The following PCDH17 variants were observed in gnomAD, a reference collection of about 807,000 sequenced individuals.
PCDH17 encodes the protein protocadherin-17.
Under a neutral mutation model 67.7 loss-of-function variants are expected in PCDH17, and 21 were observed. The observed-to-expected ratio is 0.31, with a 90% CI of 0.22 to 0.45. The LOEUF is 0.45. Ranked by LOEUF, PCDH17 falls within the 20% of genes least tolerant of loss-of-function variation. PCDH17 has a pLI of 1.00. For missense variants in PCDH17, 1,471 were observed against 1,564.8 expected (o/e 0.94, Z 1.01); for synonymous variants, 701 against 656.7 (o/e 1.07, Z -1.03).
chr13:57,664,312 C>T (rs1454138903), intron 1 of PCDH17, among the ~76,000 whole-genome samples: 1 of 152,074 alleles, frequency 6.6e-6, no homozygotes, highest in African/African-American at 2.4e-5. Context: ...AGTACCGTTG[C>T]CCAGAGTTCA....
intron 1 of PCDH17, among the ~76,000 whole-genome samples, chr13:57,648,937 G>A (rs981385815): frequency 6.6e-6 from 1 of 152,010 alleles, no homozygotes; most frequent in Non-Finnish European, 1.5e-5. Flanking sequence ...GAAGGATGAT[G>A]TATGATAAAA....
intron 1 of PCDH17, among the ~76,000 whole-genome samples, chr13:57,658,011 T>C (rs949579796): frequency 1.7e-4 from 26 of 152,200 alleles, no homozygotes; most frequent in African/African-American, 5.8e-4. Flanking sequence ...AAAAATGTCT[T>C]CGTCTTTATA....
chr13:57,632,471 G>A lies in PCDH17; in HGVS notation c.-76G>A, dbSNP rs1954738372. ...CGCGTCGCGCGCGCACGCTGCGCCA[G>A]GGCCCCAGGCTGGCGCGCACTCCCT... is the stretch of plus-strand genomic sequence containing the variant. On this transcript the variant is annotated 5_prime_UTR_variant, in exon 1 of 4. Transcript: ENST00000377918. The A allele has an allele frequency of 6.2e-6, 9 of 1,460,698 alleles. No homozygotes were observed. In the South Asian group the frequency reaches 1.0e-4, roughly 17 times the overall value. 90.5% of individuals were successfully genotyped at this position (1,460,698 alleles called of 1,614,324 possible).
rs577703534 is a variant in PCDH17 at position 57,652,732 on chromosome 13, T to C, written c.2566-13736T>C. Among the ~76,000 whole-genome samples, 4 of 152,330 alleles carry C rather than the reference T, an allele frequency of 2.6e-5. No individual in the cohort carries two copies. The East Asian group carries it at 7.7e-4, about 29-fold the overall frequency. ...AACTGAAATACAGAGATTTCATTCA[T>C]GTATTTACAGCCAGCTAGGAATACA... On this transcript the variant is annotated intron_variant, in intron 1 of 3. Coordinates refer to ENST00000377918, the MANE Select transcript of PCDH17 (RefSeq NM_001040429.3).
intron 1 of PCDH17, among the ~76,000 whole-genome samples, chr13:57,648,688 G>A (rs1054551217): frequency 6.6e-6 from 1 of 151,830 alleles, no homozygotes; most frequent in African/African-American, 2.4e-5. Context: ...GTTTTTTTAT[G>A]TGCAAATTCC....
intron 1 of PCDH17, among the ~76,000 whole-genome samples, chr13:57,639,461 C>T (rs991936490): frequency 6.6e-6 from 1 of 151,320 alleles, no homozygotes; most frequent in African/African-American, 2.4e-5. Context: ...TCTCTATTTC[C>T]CAATAAATGA....
intron 3 of PCDH17, among the ~76,000 whole-genome samples, chr13:57,687,736 T>A (rs972579090): frequency 6.6e-6 from 1 of 152,144 alleles, no homozygotes; most frequent in Admixed American, 6.6e-5. Flanking sequence ...TGACCATGAA[T>A]ACCTGAAAGG....
intron 3 of PCDH17, among the ~76,000 whole-genome samples, chr13:57,693,342 A>ATATATATATC (rs1413530017): frequency 7.0e-6 from 1 of 142,058 alleles, no homozygotes. Context: ...ATATATATAT[A>ATATATATATC]TATCAAGGAG....
chr13:57,719,410 T>C (rs929598535), intron 3 of PCDH17, among the ~76,000 whole-genome samples: 1 of 152,012 alleles, frequency 6.6e-6, no homozygotes, highest in Admixed American at 6.6e-5. Context: ...TAGATTTTGG[T>C]TTTTAAGTGT....
At chr13:57,640,968 G>T (rs1375811427) in intron 1 of PCDH17, among the ~76,000 whole-genome samples, 1 of 151,930 alleles carries the variant, frequency 6.6e-6, no homozygotes, top group Non-Finnish European at 1.5e-5. Context: ...ATCCCATAGG[G>T]CATTATCTTA....
In PCDH17 at chr13:57,633,683, G is replaced by A; in HGVS notation, c.1137G>A (p.Arg379=). 1 of 1,604,736 alleles carries A rather than the reference G, an allele frequency of 6.2e-7. No individual in the cohort carries two copies. The highest frequency in any genetic ancestry group is 8.5e-7 in the Non-Finnish European group (1 of 1,179,864). The part of the protein sequence containing the change: ...TVIALVRVTD[R]DSGKNGQLQC... ...TCGCCCTGGTGCGGGTCACTGACCG[G>A]GACTCTGGCAAGAACGGACAGCTGC... Residue 379 remains arginine, a synonymous_variant, in exon 1 of 4, where the codon CGG becomes CGA. Coordinates refer to ENST00000377918, the MANE Select transcript of PCDH17 (RefSeq NM_001040429.3). The surrounding 1 kb of genome is among the most constrained non-coding windows in gnomAD (Gnocchi z 6.2).
rs755064244 is a variant in PCDH17 at position 57,635,029 on chromosome 13, G to A, written c.2483G>A (p.Gly828Glu). 33 of 1,613,214 alleles carry A rather than the reference G, an allele frequency of 2.0e-5. No homozygotes were observed. The highest frequency in any genetic ancestry group is 2.5e-5 in the Non-Finnish European group (30 of 1,180,012). The part of the protein sequence containing the change: ...PASNNLTVPQ[G>E]HAGCHTSFTG... ...TCCAACAACCTGACTGTCCCTCAGG[G>A]GCACGCGGGCTGCCACACCAGCTTC... Residue 828 changes from glycine (G) to glutamate (E), a missense_variant, in exon 1 of 4, where the codon GGG becomes GAG. Physicochemically the swap from Gly to Glu is moderately conservative, Grantham distance 98. This residue lies in a region of PCDH17 where 1,163 missense variants were observed against 1,230.0 expected (regional missense o/e 0.95). Transcript: ENST00000377918.
chr13:57,676,711 G>A (rs1955394626), intron 3 of PCDH17, among the ~76,000 whole-genome samples: 1 of 151,774 alleles, frequency 6.6e-6, no homozygotes. Context: ...TGTTCTGTGG[G>A]AATCCAAAAT....
At chr13:57,643,321 GTTATT>G (rs758616422) in intron 1 of PCDH17, among the ~76,000 whole-genome samples, 2 of 151,552 alleles carry the variant, frequency 1.3e-5, no homozygotes, top group East Asian at 1.9e-4. Context: ...TAAGAAAAAA[GTTATT>G]TTAGTAATTT....
intron 1 of PCDH17, among the ~76,000 whole-genome samples, chr13:57,638,595 T>C (rs931925632): frequency 2.0e-5 from 3 of 152,208 alleles, no homozygotes; most frequent in Non-Finnish European, 4.4e-5. Context: ...TTTCAAACGA[T>C]TCACATTTGG....
chr13:57,638,229 A>C (rs1490927772), intron 1 of PCDH17, among the ~76,000 whole-genome samples: 1 of 152,082 alleles, frequency 6.6e-6, no homozygotes, highest in Non-Finnish European at 1.5e-5. Context: ...ATTCCTGTGA[A>C]TTATTTTATG....
At chr13:57,711,137 A>G (rs1955772387) in intron 3 of PCDH17, among the ~76,000 whole-genome samples, 1 of 152,020 alleles carries the variant, frequency 6.6e-6, no homozygotes, top group Non-Finnish European at 1.5e-5. Flanking sequence ...CATTTATACC[A>G]ATAATCATTT....
rs763735010 is a variant in PCDH17, at chr13:57,725,293, G to GAA, written c.*4_*5dup. 3.6e-5 allele frequency: 53 copies of GAA among 1,475,666 alleles called. No individual in the cohort carries two copies. The highest frequency in any genetic ancestry group is 6.9e-5 in the Admixed American group (3 of 43,460). The allele number at this position is 1,475,666 out of a possible 1,614,324, so 91.4% of individuals were successfully genotyped here. The part of the protein sequence containing the change: ...RGNDPVAVRK[*] ...AACGACCCTGTGGCTGTGAGAAAGT[G>GAA]AAAAAAGAAAAAAAAAAAGGCATTG... Residue 1160 remains the stop codon, a frameshift_variant and stop_retained_variant, in exon 4 of 4, where the codon TGA becomes TGAAA. Coordinates refer to ENST00000377918, the MANE Select transcript of PCDH17 (RefSeq NM_001040429.3). LOFTEE classifies it high-confidence loss of function.
chr13:57,640,826 CTT>C (rs999810747), intron 1 of PCDH17, among the ~76,000 whole-genome samples: 3 of 152,026 alleles, frequency 2.0e-5, no homozygotes, highest in Non-Finnish European at 4.4e-5. Flanking sequence ...GGAAGTAAAA[CTT>C]AACTCCCTAA....
Sources: allele counts gnomAD v4.1 joint callset (sites outside exome capture counted in the v4.1 genomes callset), GRCh38; gene constraint gnomAD v4.1.1; regional missense constraint gnomAD v4.1.1; non-coding constraint Gnocchi (gnomAD v3.1); transcripts MANE v1.5; gene names NCBI Gene and HGNC (gene_info 2026-07-23, HGNC 2026-07-21).